C2CD5: variants seen among roughly 807,000 people sequenced by gnomAD.
C2CD5 encodes the protein C2 domain-containing protein 5.
C2CD5 carries 109 observed loss-of-function variants against 130.3 expected under a neutral mutation model. The observed-to-expected ratio is 0.84, with a 90% CI of 0.72 to 0.98. The LOEUF is 0.98. Among genes scored for constraint, C2CD5 ranks in the 50% least tolerant of loss-of-function variants. The pLI is 0.00. For missense variants in C2CD5, 996 were observed against 1,261.8 expected (o/e 0.79, Z 3.19); for synonymous variants, 454 against 429.2 (o/e 1.06, Z -0.71).
At chr12:22,475,469 C>A (rs1432019385) in intron 15 of C2CD5, among the ~76,000 whole-genome samples, 2 of 151,950 alleles carry the variant, frequency 1.3e-5, no homozygotes, top group Non-Finnish European at 1.5e-5. Context: ...GTGTATGGTG[C>A]AATACTGTAT....
intron 15 of C2CD5, among the ~76,000 whole-genome samples, chr12:22,475,199 C>T (rs1379913593): frequency 6.6e-6 from 1 of 152,094 alleles, no homozygotes; most frequent in Non-Finnish European, 1.5e-5. Flanking sequence ...AAATCCAGTA[C>T]TGCTGTGTGT....
intron 4 of C2CD5, among the ~76,000 whole-genome samples, 193 bp from the exon 5 acceptor site, chr12:22,525,898 T>C (rs1019939642): frequency 1.3e-5 from 2 of 152,236 alleles, no homozygotes. Context: ...CATGAGATGT[T>C]CAATACTTTA....
At chr12:22,542,461 C>T (rs950631080) in intron 2 of C2CD5, among the ~76,000 whole-genome samples, 16 of 152,256 alleles carry the variant, frequency 1.1e-4, no homozygotes, top group African/African-American at 3.9e-4. Context: ...CCACTACCCA[C>T]ATATCTCATA....
intron 2 of C2CD5, among the ~76,000 whole-genome samples, chr12:22,540,500 T>G (rs1952260205): frequency 6.6e-6 from 1 of 152,220 alleles, no homozygotes; most frequent in African/African-American, 2.4e-5. Flanking sequence ...AAGGCTGAAT[T>G]CATTGATTCA....
At position 22,513,392 on chromosome 12, in the gene C2CD5, A is replaced by G. The variant is rs1405296429; in HGVS notation, c.953-13T>C. The G allele has an allele frequency of 6.4e-7, 1 of 1,570,308 alleles. No individual in the cohort carries two copies. On this transcript the variant is annotated splice_polypyrimidine_tract_variant and intron_variant, in intron 8 of 26. Coordinates refer to ENST00000446597, the MANE Select transcript of C2CD5 (RefSeq NM_001286176.2). Reference sequence around the variant, plus strand: ...CCACTTCCCATTCCTACAGAACATCAGTACATAAATAACAACCAAAAAAGC... The same window carrying G: ...CCACTTCCCATTCCTACAGAACATCGGTACATAAATAACAACCAAAAAAGC...
At position 22,454,062 on chromosome 12, in the gene C2CD5, A is replaced by G; in HGVS notation, c.2878-20T>C. On this transcript the variant is annotated intron_variant, in intron 25 of 26. Transcript: ENST00000446597. ...TCCTTCCTAAATAATAGTGCACAGG[A>G]AAATCATACTATATATACATGTGTA... 1 of 1,600,738 alleles carries G rather than the reference A, an allele frequency of 6.2e-7. No individual in the cohort carries two copies. The highest frequency in any genetic ancestry group is 8.6e-7 in the Non-Finnish European group (1 of 1,168,640).
At chr12:22,460,951 A>G (rs1487511377) in intron 22 of C2CD5, among the ~76,000 whole-genome samples, 1 of 152,190 alleles carries the variant, frequency 6.6e-6, no homozygotes, top group Non-Finnish European at 1.5e-5. Flanking sequence ...AAAAGGGATC[A>G]CCAGGTGGGG....
At position 22,449,698 on chromosome 12, in the gene C2CD5, A is replaced by T; in HGVS notation, c.*62T>A. ...CAATTTTAAGTCTAAGAAGATAATTAATGACAAAATAACAGAGATTGATGA... is the reference window on the plus strand; with the variant it reads ...CAATTTTAAGTCTAAGAAGATAATTTATGACAAAATAACAGAGATTGATGA... On this transcript the variant is annotated 3_prime_UTR_variant, in exon 27 of 27. Transcript: ENST00000446597. The T allele has an allele frequency of 1.4e-6, 2 of 1,414,920 alleles. No homozygotes were observed. The highest frequency in any genetic ancestry group is 2.0e-6 in the Non-Finnish European group (2 of 1,016,960). 87.6% of individuals were successfully genotyped at this position (1,414,920 alleles called of 1,614,324 possible).
chr12:22,524,792 T>A (rs950841534), intron 5 of C2CD5, among the ~76,000 whole-genome samples, 165 bp from the exon 6 acceptor site: 2 of 152,214 alleles, frequency 1.3e-5, no homozygotes, highest in African/African-American at 4.8e-5. Context: ...CTAAGATCTA[T>A]TTCATTTTTA....
intron 24 of C2CD5, among the ~76,000 whole-genome samples, chr12:22,457,755 A>G (rs1335589256): frequency 6.6e-6 from 1 of 152,092 alleles, no homozygotes; most frequent in Non-Finnish European, 1.5e-5. Flanking sequence ...AGACATATAT[A>G]TATATATCTA....
chr12:22,488,546 A>G (rs980867183), intron 12 of C2CD5, among the ~76,000 whole-genome samples: 1 of 152,110 alleles, frequency 6.6e-6, no homozygotes, highest in African/African-American at 2.4e-5. Flanking sequence ...TACATGAAAA[A>G]GGTCATTTGT....
At chr12:22,540,677 G>A (rs1952282895) in intron 2 of C2CD5, among the ~76,000 whole-genome samples, 2 of 152,118 alleles carry the variant, frequency 1.3e-5, no homozygotes, top group Admixed American at 1.3e-4. Flanking sequence ...TGGCCAACAT[G>A]GCGAAACCCC....
chr12:22,491,065 G>T (rs1434088189), intron 11 of C2CD5, among the ~76,000 whole-genome samples: 1 of 152,226 alleles, frequency 6.6e-6, no homozygotes, highest in African/African-American at 2.4e-5. Context: ...TTCGAATCAA[G>T]AAGTTATAAG....
chr12:22,502,316 A>T (rs996726548), intron 10 of C2CD5, among the ~76,000 whole-genome samples: 2 of 152,102 alleles, frequency 1.3e-5, no homozygotes, highest in African/African-American at 4.8e-5. Flanking sequence ...ATAGAACACT[A>T]AATCTATTCA....
intron 1 of C2CD5, 65 bp from the exon 2 acceptor site, chr12:22,544,244 CG>C (rs1952720875): frequency 7.7e-7 from 1 of 1,299,460 alleles, no homozygotes; most frequent in South Asian, 1.3e-5. Flanking sequence ...CGGAGGCGCG[CG>C]GGGTAACTGA....
intron 10 of C2CD5, among the ~76,000 whole-genome samples, chr12:22,498,293 A>G (rs1337896836): frequency 2.0e-5 from 3 of 152,278 alleles, no homozygotes; most frequent in South Asian, 4.1e-4. Flanking sequence ...GCCTGGCTTA[A>G]CAATTATGTT....
chr12:22,471,896 A>G, intron 19 of C2CD5, 71 bp downstream of exon 19: 1 of 842,044 alleles, frequency 1.2e-6, no homozygotes, highest in Non-Finnish European at 2.1e-6. Context: ...TACAGACAAT[A>G]CAGCAATATA....
At chr12:22,536,366 A>G (rs1395799376) in intron 2 of C2CD5, among the ~76,000 whole-genome samples, 1 of 152,214 alleles carries the variant, frequency 6.6e-6, no homozygotes, top group Non-Finnish European at 1.5e-5. Context: ...AAAATTCAAA[A>G]ACATCAAAAA....
chr12:22,528,003 A>G, intron 3 of C2CD5, 111 bp from the exon 4 acceptor site: 1 of 537,880 alleles, frequency 1.9e-6, no homozygotes, highest in East Asian at 3.3e-5. Context: ...AAAATCTTAC[A>G]GATTTCTAAG....
Sources: gnomAD v4.1 joint callset for allele counts (sites outside exome capture counted in the v4.1 genomes callset) on GRCh38, gnomAD v4.1.1 for gene constraint, MANE v1.5 for transcripts, NCBI Gene and HGNC (gene_info 2026-07-23, HGNC 2026-07-21) for gene names.